The following MED12 variants were observed in gnomAD, a reference collection of about 807,000 sequenced individuals.
MED12 encodes mediator complex subunit 12, also known as mediator of RNA polymerase II transcription subunit 12.
In MED12, 10 loss-of-function variants were observed where a neutral mutation model predicts 177.7. That is an observed-to-expected ratio of 0.06 (90% confidence interval 0.03 to 0.10). The LOEUF is 0.10. Ranked by LOEUF, MED12 falls within the 10% of genes least tolerant of loss-of-function variation. The pLI is 1.00. For synonymous variants in MED12, 641 were observed against 678.4 expected (o/e 0.94, Z 0.86); for missense variants, 867 against 1,780.8 (o/e 0.49, Z 9.23).
In MED12 at chrX:71,126,083, C is replaced by T; in HGVS notation, c.2470C>T (p.Pro824Ser). ...GCGACGCAACCGGCCTGAAGCCTTC[C>T]CCACTGCTGAAGATATCTTTGCTAA... ...KRRRNRPEAF[P>S]TAEDIFAKFQ... The change falls in exon 18 of 45, where the codon CCC (proline) becomes TCC (serine). Residue 824 changes from proline (P) to serine (S), a missense_variant. Physicochemically the swap from Pro to Ser is moderately conservative, Grantham distance 74. This residue lies in a region of MED12 where 309 missense variants were observed against 556.3 expected (regional missense o/e 0.56). Transcript: ENST00000374080. 8.3e-7 allele frequency: 1 copy of T among 1,211,438 alleles called. No individual in the cohort carries two copies. Among genetic ancestry groups the T allele is most frequent in the Non-Finnish European group, 1.1e-6 (1 of 895,109 alleles).
chrX:71,134,103 C>T (rs918335644), intron 33 of MED12, among the ~76,000 whole-genome samples: 7 of 109,339 alleles, frequency 6.4e-5, no homozygotes, highest in South Asian at 4.0e-4. Context: ...TGGTGGCAGG[C>T]GCCTGTAGTC....
At position 71,124,309 on chromosome X, in the gene MED12, G is replaced by T. The variant is rs199582086; in HGVS notation, c.1895G>T (p.Arg632Leu). The T allele has an allele frequency of 8.3e-7, 1 of 1,210,140 alleles. No individual in the cohort carries two copies. The highest frequency in any genetic ancestry group is 2.3e-4 in the Middle Eastern group (1 of 4,351). ...GDLAFGAPGP[R>L]PPSPFDDPAD... ...CTTGCCTTTGGAGCCCCTGGTCCCC[G>T]GCCTCCCTCTCCCTTTGATGATCCT... Residue 632 changes from arginine to leucine, a missense_variant, in exon 13 of 45, where the codon CGG (arginine) becomes CTG (leucine). By Grantham distance (102) the Arg-to-Leu change is moderately radical (BLOSUM62 -2). Coordinates refer to ENST00000374080, the MANE Select transcript of MED12 (RefSeq NM_005120.3).
chrX:71,139,479 C>T (rs1197305392), intron 41 of MED12, among the ~76,000 whole-genome samples: 1 of 110,846 alleles, frequency 9.0e-6, no homozygotes, highest in Non-Finnish European at 1.9e-5. Flanking sequence ...GCCTTGAATG[C>T]TCAGCCGAAG....
intron 24 of MED12, 49 bp downstream of exon 24, chrX:71,128,767 A>G (rs1423759132): frequency 5.9e-6 from 7 of 1,184,513 alleles, no homozygotes; most frequent in East Asian, 5.9e-5. Context: ...TCAAATTTCA[A>G]TACACACTGG....
rs2147798245 is a variant in MED12, at chrX:71,127,074, C to T, written c.2791C>T (p.Arg931Trp). The T allele has an allele frequency of 4.1e-6, 5 of 1,211,507 alleles. No homozygotes were observed. Among genetic ancestry groups the T allele is most frequent in the Non-Finnish European group, 5.6e-6 (5 of 895,126 alleles). The change falls in exon 20 of 45, where the codon CGG becomes TGG. Residue 931 changes from arginine to tryptophan, a missense_variant. Physicochemically the swap from Arg to Trp is moderately radical, Grantham distance 101 (BLOSUM62 -3). This residue lies in a region of MED12 where 70 missense variants were observed against 143.6 expected (regional missense o/e 0.49). Transcript: ENST00000374080. ...GTGCCTGTGCATCGTGGCTGTCCTG[C>T]GGCACTATCATGCCTGCCTCATCCT... ...SLCLCIVAVL[R>W]HYHACLILNQ...
intron 2 of MED12, 21 bp from the exon 3 acceptor site, chrX:71,119,665 G>A: frequency 8.3e-7 from 1 of 1,208,243 alleles, no homozygotes; most frequent in Non-Finnish European, 1.1e-6. Flanking sequence ...CCCACCCTGA[G>A]GTACACTTTT....
chrX:71,131,649 C>G, intron 29 of MED12, 28 bp downstream of exon 29: 1 of 1,191,289 alleles, frequency 8.4e-7, no homozygotes, highest in Non-Finnish European at 1.1e-6. Context: ...CCTCCCTTTC[C>G]TGTGCTCACG....
chrX:71,137,863 C>A lies in MED12; in HGVS notation c.5964C>A (p.Thr1988=). The change falls in exon 41 of 45, where the codon ACC becomes ACA. Residue 1988 remains threonine, a synonymous_variant. Coordinates refer to ENST00000374080, the MANE Select transcript of MED12 (RefSeq NM_005120.3). ...CCAATCCTACTCTTGTAGATCCTAC[C>A]CGCCACCTGCAACAGCGGCCCAGTG... ...PSTNPTLVDP[T]RHLQQRPSGY... 1 of 1,211,724 alleles carries A rather than the reference C, an allele frequency of 8.3e-7. No homozygotes were observed. Among genetic ancestry groups the A allele is most frequent in the Non-Finnish European group, 1.1e-6 (1 of 895,484 alleles).
chrX:71,128,899 C>A, intron 24 of MED12, 181 bp downstream of exon 24: 1 of 600,794 alleles, frequency 1.7e-6, no homozygotes, highest in South Asian at 2.6e-5. Context: ...CCTGGATTTG[C>A]AGCCCTGACC....
At chrX:71,133,776 G>C (rs1263915504) in intron 33 of MED12, among the ~76,000 whole-genome samples, 1 of 111,234 alleles carries the variant, frequency 9.0e-6, no homozygotes, top group Non-Finnish European at 1.9e-5. Flanking sequence ...CCTAGATTCT[G>C]ACTGGGCCCT....
rs750991975 is a variant in MED12, at chrX:71,136,598, A to G, written c.5343A>G (p.Glu1781=). 5.0e-6 allele frequency: 6 copies of G among 1,206,522 alleles called. No individual in the cohort carries two copies. In the Admixed American group the frequency reaches 1.3e-4, roughly 27 times the overall value. ...KPGAAPPSTE[E]RKKKSTKGKK... ...GGGCTGCTCCACCCAGTACTGAGGA[A>G]CGCAAGAAGAAGTCCACCAAGGGCA... Residue 1781 remains glutamate (E), a synonymous_variant, in exon 37 of 45, where the codon GAA becomes GAG. Coordinates refer to ENST00000374080, the MANE Select transcript of MED12 (RefSeq NM_005120.3).
In MED12 at chrX:71,122,690, A is replaced by G. The variant is rs771552112; in HGVS notation, c.1349-48A>G. 3.3e-6 allele frequency: 4 copies of G among 1,208,271 alleles called. No homozygotes were observed. The South Asian group carries it at 7.0e-5, about 21-fold the overall frequency. ...AGGACATGTAGATCTAAGAGCCAGA[A>G]TGCACCGGGCCTCTGGTTCAGTCCC... On this transcript the variant is annotated intron_variant, in intron 9 of 44. Transcript: ENST00000374080.
chrX:71,137,754 G>T lies in MED12; in HGVS notation c.5855G>T (p.Gly1952Val), dbSNP rs752697076. 1.7e-6 allele frequency: 2 copies of T among 1,211,180 alleles called. No homozygotes were observed. Among genetic ancestry groups the T allele is most frequent in the South Asian group, 3.5e-5 (2 of 56,952 alleles). Residue 1952 changes from glycine (G) to valine (V), a missense_variant, in exon 41 of 45, where the codon GGA becomes GTA. Physicochemically the swap from Gly to Val is moderately radical, Grantham distance 109 (BLOSUM62 -3). Coordinates refer to ENST00000374080, the MANE Select transcript of MED12 (RefSeq NM_005120.3). ...QGYTPYVSHV[G>V]LQQHTGPAGT... ...TATACTCCTTATGTTTCTCATGTGG[G>T]ATTGCAGCAACACACAGGCCCTGCA... is the stretch of plus-strand genomic sequence containing the variant.
chrX:71,139,174 G>A (rs1227341622), intron 41 of MED12, among the ~76,000 whole-genome samples: 1 of 112,432 alleles, frequency 8.9e-6, no homozygotes, highest in Non-Finnish European at 1.9e-5. Flanking sequence ...GCAGTTGTAT[G>A]CTATGAGGTA....
chrX:71,119,281 C>A, intron 1 of MED12, 92 bp from the exon 2 acceptor site: 1 of 628,829 alleles, frequency 1.6e-6, no homozygotes, highest in Non-Finnish European at 2.6e-6. Flanking sequence ...CCTGCCCTTT[C>A]ACCTTGTTCC....
chrX:71,129,261 C>T, intron 25 of MED12, 46 bp downstream of exon 25: 3 of 1,163,530 alleles, frequency 2.6e-6, no homozygotes, highest in Non-Finnish European at 3.5e-6. Flanking sequence ...AAGTGTGGTT[C>T]CCCTGCCTCC....
chrX:71,126,317 T>A, intron 18 of MED12, 24 bp from the exon 19 acceptor site: 1 of 1,211,353 alleles, frequency 8.3e-7, no homozygotes, highest in Non-Finnish European at 1.1e-6. Context: ...TCCACTCCCA[T>A]CTCACTCCCA....
chrX:71,120,109 T>C lies in MED12; in HGVS notation c.492T>C (p.Cys164=), dbSNP rs886039163. 1.2e-5 allele frequency: 15 copies of C among 1,211,520 alleles called. No individual in the cohort carries two copies. The highest frequency in any genetic ancestry group is 3.5e-5 in the African/African-American group (2 of 57,793). ...CTGCCTGGCTCATTAAGATGACCTG[T>C]GCCTACTATGCAGCAATCTCTGAGA... ...MRAAWLIKMT[C]AYYAAISETK... Residue 164 remains cysteine (C), a synonymous_variant, in exon 4 of 45, where the codon TGT becomes TGC. Coordinates refer to ENST00000374080, the MANE Select transcript of MED12 (RefSeq NM_005120.3).
At position 71,121,443 on chromosome X, in the gene MED12, G is replaced by T. The variant is rs2147778879; in HGVS notation, c.846+6G>T. The T allele has an allele frequency of 1.1e-5, 13 of 1,210,793 alleles. No individual in the cohort carries two copies. Among genetic ancestry groups the T allele is most frequent in the South Asian group, 1.8e-5 (1 of 56,920 alleles). On this transcript the variant is annotated splice_donor_region_variant and intron_variant, in intron 6 of 44. Coordinates refer to ENST00000374080, the MANE Select transcript of MED12 (RefSeq NM_005120.3). ...TGCTGCCTCTGCTTCTCCGAGTAAG[G>T]CTTGGAATTTTGGTACTGGTGGGGC... is the stretch of plus-strand genomic sequence containing the variant.
Sources: gnomAD v4.1 joint callset for allele counts (sites outside exome capture counted in the v4.1 genomes callset) on GRCh38, gnomAD v4.1.1 for gene constraint, gnomAD v4.1.1 regional missense constraint, MANE v1.5 for transcripts, NCBI Gene and HGNC (gene_info 2026-07-23, HGNC 2026-07-21) for gene names.